The following CHODL variants were observed in gnomAD, a reference collection of about 807,000 sequenced individuals.
CHODL encodes the protein transmembrane protein MT75.
A neutral mutation model predicts 34.5 loss-of-function variants in CHODL; 29 were observed. The observed-to-expected ratio is 0.84, with a 90% confidence interval of 0.63 to 1.15. The LOEUF (loss-of-function observed/expected upper bound fraction) is 1.15. Ranked by LOEUF, CHODL falls within the 50% of genes most tolerant of loss-of-function variation. CHODL has a pLI of 0.00. For missense variants in CHODL, 332 were observed against 332.5 expected (o/e 1.00, Z 0.01); for synonymous variants, 125 against 116.1 (o/e 1.08, Z -0.49).
At chr21:17,918,162 G>A (rs2063155990) in intron 1 of CHODL, among the ~76,000 whole-genome samples, 1 of 151,378 alleles carries the variant, frequency 6.6e-6, no homozygotes, top group East Asian at 1.9e-4. Flanking sequence ...CTGGGGGTGA[G>A]GGGGGTTTTC....
rs142264881 is a variant in CHODL at position 17,975,082 on chromosome 21, C to T, written c.-144-52790C>T. ...GTGGCTCATGCCTGTAATCCCAGCA[C>T]TTTGGAAGGCCAAGCCAGGTGGAAC... is the stretch of plus-strand genomic sequence containing the variant. On this transcript the variant is annotated intron_variant, in intron 1 of 6. Transcript: ENST00000400127. 3.0e-3 allele frequency among the ~76,000 whole-genome samples: 453 copies of T among 152,108 alleles called. 4 individuals carry two copies. Among genetic ancestry groups the T allele is most frequent in the African/African-American group, 0.011 (444 of 41,520 alleles).
intron 2 of CHODL, among the ~76,000 whole-genome samples, chr21:18,125,175 A>C (rs1481044634): frequency 6.6e-6 from 1 of 152,258 alleles, no homozygotes; most frequent in Non-Finnish European, 1.5e-5. Context: ...GCTAGCAAAC[A>C]AAAAGTACTT....
At chr21:18,082,477 G>A (rs1294994149) in intron 2 of CHODL, among the ~76,000 whole-genome samples, 1 of 152,194 alleles carries the variant, frequency 6.6e-6, no homozygotes, top group Non-Finnish European at 1.5e-5. Flanking sequence ...TGGGTAATGG[G>A]TAGAGGTTGC....
intron 2 of CHODL, among the ~76,000 whole-genome samples, chr21:18,116,883 C>T (rs1374653418): frequency 6.6e-6 from 1 of 152,102 alleles, no homozygotes; most frequent in East Asian, 1.9e-4. Context: ...ATCACTGTGG[C>T]CCAGATGAAT....
chr21:17,930,618 G>T (rs1377542120), intron 1 of CHODL, among the ~76,000 whole-genome samples: 2 of 152,164 alleles, frequency 1.3e-5, no homozygotes, highest in Non-Finnish European at 2.9e-5. Flanking sequence ...TTGCTGGTCC[G>T]GTCCTGGTTT....
At chr21:18,125,397 A>G (rs2065529890) in intron 2 of CHODL, among the ~76,000 whole-genome samples, 1 of 152,176 alleles carries the variant, frequency 6.6e-6, no homozygotes, top group Admixed American at 6.5e-5. Flanking sequence ...TACTCCATTC[A>G]TCAGATAAAT....
rs2074461016 is a variant in CHODL, at chr21:18,266,274, C to A, written c.*236C>A. ...TTTGCTAAAGGATGCACCCAAACTT[C>A]AAACTTCAAGCAAATGAAATGGACA... On this transcript the variant is annotated 3_prime_UTR_variant, in exon 6 of 6. Transcript: ENST00000299295. 1 of 1,353,254 alleles carries A rather than the reference C, an allele frequency of 7.4e-7. No homozygotes were observed. 83.8% of individuals were successfully genotyped at this position (1,353,254 alleles called of 1,614,324 possible). A position where few individuals can be genotyped will look rare whatever the true frequency, so the allele number is the denominator to read the frequency against.
chr21:18,000,310 A>C (rs2063893369), intron 1 of CHODL, among the ~76,000 whole-genome samples: 1 of 152,134 alleles, frequency 6.6e-6, no homozygotes, highest in Non-Finnish European at 1.5e-5. Flanking sequence ...GATTCCCTAG[A>C]TGCTTGCTAA....
chr21:18,226,045 T>G (rs974854111), intron 2 of CHODL, among the ~76,000 whole-genome samples: 1 of 151,830 alleles, frequency 6.6e-6, no homozygotes, highest in Non-Finnish European at 1.5e-5. Flanking sequence ...GGAGAAAAAT[T>G]GAGGGGAGGA....
intron 2 of CHODL, among the ~76,000 whole-genome samples, chr21:18,092,103 T>C (rs935658240): frequency 3.9e-5 from 6 of 152,102 alleles, no homozygotes; most frequent in Non-Finnish European, 8.8e-5. Flanking sequence ...GCAGTTCCAA[T>C]GTTGGTGGCC....
intron 1 of CHODL, among the ~76,000 whole-genome samples, chr21:17,937,973 G>A (rs1339591637): frequency 6.6e-6 from 1 of 152,140 alleles, no homozygotes; most frequent in African/African-American, 2.4e-5. Context: ...CCTAAACTTT[G>A]TATAACTTGT....
At chr21:17,929,880 G>A (rs1008443) in intron 1 of CHODL, among the ~76,000 whole-genome samples, 1 of 151,810 alleles carries the variant, frequency 6.6e-6, no homozygotes, top group Non-Finnish European at 1.5e-5. Context: ...TGTGTATCAC[G>A]GCTGCTGCTG....
chr21:18,185,184 C>G (rs2073426463), intron 2 of CHODL, among the ~76,000 whole-genome samples: 3 of 152,114 alleles, frequency 2.0e-5, no homozygotes, highest in Admixed American at 6.5e-5. Context: ...GCCCCCTACC[C>G]CTGGCAGGCA....
At chr21:17,929,049 G>A (rs2063250182) in intron 1 of CHODL, among the ~76,000 whole-genome samples, 1 of 152,138 alleles carries the variant, frequency 6.6e-6, no homozygotes, top group Admixed American at 6.5e-5. Flanking sequence ...GTCAACACTG[G>A]TAAACTAATG....
At chr21:17,960,315 C>A (rs1472214906) in intron 1 of CHODL, among the ~76,000 whole-genome samples, 1 of 152,128 alleles carries the variant, frequency 6.6e-6, no homozygotes, top group Non-Finnish European at 1.5e-5. Context: ...ATTCTAGTTT[C>A]TCAGCTAGTA....
rs966228128 is a variant in CHODL at position 18,088,508 on chromosome 21, C to A, written c.-45+60537C>A. Among the ~76,000 whole-genome samples the A allele has an allele frequency of 2.4e-4, 36 of 152,144 alleles. 1 individual carries two copies. The highest frequency in any genetic ancestry group is 4.4e-5 in the Non-Finnish European group (3 of 68,020). ...CTTTAGGCAACACCATGTGTCAGAC[C>A]CAGTGGGTCAAGGGTTTTTCTTGTA... On this transcript the variant is annotated intron_variant, in intron 2 of 6. Coordinates refer to the CHODL transcript ENST00000400127.
At chr21:18,099,399 T>A (rs1270833259) in intron 2 of CHODL, among the ~76,000 whole-genome samples, 5 of 151,414 alleles carry the variant, frequency 3.3e-5, no homozygotes, top group Admixed American at 6.6e-5. Flanking sequence ...TAAAAAAATT[T>A]AAAAATAATA....
intron 2 of CHODL, among the ~76,000 whole-genome samples, chr21:18,060,662 T>C (rs1428049005): frequency 7.0e-6 from 1 of 142,916 alleles, no homozygotes; most frequent in Non-Finnish European, 1.5e-5. Context: ...AAGACCTAGG[T>C]ACCTCTGAAG....
At chr21:18,115,696 T>G (rs2065403947) in intron 2 of CHODL, among the ~76,000 whole-genome samples, 1 of 152,224 alleles carries the variant, frequency 6.6e-6, no homozygotes, top group Non-Finnish European at 1.5e-5. Context: ...TCCCGATCCA[T>G]GGTAAAGGTA....
Sources: gnomAD v4.1 joint callset for allele counts (sites outside exome capture counted in the v4.1 genomes callset) on GRCh38, gnomAD v4.1.1 for gene constraint, MANE v1.5 for transcripts, NCBI Gene and HGNC (gene_info 2026-07-23, HGNC 2026-07-21) for gene names.